The following PCDHA13 variants were observed in gnomAD, a reference collection of about 807,000 sequenced individuals.
The protein encoded by PCDHA13 is protocadherin alpha 13, also known as protocadherin alpha-13.
In PCDHA13, 54 loss-of-function variants were observed where a neutral mutation model predicts 64.8. The ratio of observed to expected loss-of-function variants is 0.83; its 90% CI spans 0.67 to 1.04. The LOEUF is 1.04. PCDHA13 is among the 50% of genes least tolerant of loss of function. The probability of loss-of-function intolerance (pLI) is 0.00; values close to 1 mark genes in which losing one functional copy is unlikely to be tolerated. For missense variants in PCDHA13, 1,248 were observed against 1,254.3 expected (o/e 0.99, Z 0.08); for synonymous variants, 587 against 564.4 (o/e 1.04, Z -0.57).
intron 1 of PCDHA13, chr5:140,966,879 GC>G: frequency 1.3e-6 from 2 of 1,587,514 alleles, no homozygotes; most frequent in Non-Finnish European, 1.7e-6. Flanking sequence ...CTGCTACCTG[GC>G]CCTGCGGCCT....
At chr5:140,923,910 C>T (rs1280601799) in intron 1 of PCDHA13, among the ~76,000 whole-genome samples, 5 of 152,156 alleles carry the variant, frequency 3.3e-5, no homozygotes, top group African/African-American at 1.2e-4. Flanking sequence ...GTGAAGATTT[C>T]CCATACTGTT....
At chr5:140,974,815 A>G (rs990559310) in intron 1 of PCDHA13, among the ~76,000 whole-genome samples, 3 of 152,188 alleles carry the variant, frequency 2.0e-5, no homozygotes, top group Non-Finnish European at 4.4e-5. Context: ...GAAGACCAAT[A>G]TGCAACATAA....
intron 1 of PCDHA13, chr5:140,928,860 G>A: frequency 1.2e-6 from 2 of 1,614,154 alleles, no homozygotes; most frequent in Non-Finnish European, 1.7e-6. Flanking sequence ...GTGTGCTGTT[G>A]AGCAACTCTG....
At chr5:140,903,454 A>G (rs1554190971) in intron 1 of PCDHA13, among the ~76,000 whole-genome samples, 1 of 152,208 alleles carries the variant, frequency 6.6e-6, no homozygotes, top group Non-Finnish European at 1.5e-5. Flanking sequence ...ATCTGATCAA[A>G]CTTAAAATAT....
chr5:140,941,347 T>C (rs246069), intron 1 of PCDHA13, among the ~76,000 whole-genome samples: 97,460 of 130,222 alleles, frequency 0.75, 37,726 homozygotes, highest in African/African-American at 0.94. Context: ...GATGGAGTCT[T>C]GCTCTGTTGC....
In PCDHA13 at chr5:141,010,555, C is replaced by CTG; in HGVS notation, c.*618_*619insTG. 2 of 321,156 alleles carry CTG rather than the reference C, an allele frequency of 6.2e-6. No homozygotes were observed. The highest frequency in any genetic ancestry group is 1.1e-4 in the South Asian group (2 of 18,704). 19.9% of individuals were successfully genotyped at this position (321,156 alleles called of 1,614,324 possible). On this transcript the variant is annotated 3_prime_UTR_variant, in exon 4 of 4. Coordinates refer to ENST00000289272, the MANE Select transcript of PCDHA13 (RefSeq NM_018904.3). ...ACCCTCTAGGAGACAAAACTACCCCCACTGACAAGGCTTTAGGAGACCCTA... is the reference window on the plus strand; with the variant it reads ...ACCCTCTAGGAGACAAAACTACCCCCTGACTGACAAGGCTTTAGGAGACCCTA...
At chr5:140,980,515 A>G (rs779201653) in intron 2 of PCDHA13, among the ~76,000 whole-genome samples, 18 of 152,182 alleles carry the variant, frequency 1.2e-4, no homozygotes, top group Non-Finnish European at 2.5e-4. Flanking sequence ...CTGTAGTTCC[A>G]GCTACTAGGG....
intron 1 of PCDHA13, among the ~76,000 whole-genome samples, chr5:140,922,233 A>T (rs1226444776): frequency 6.6e-6 from 1 of 152,220 alleles, no homozygotes; most frequent in Non-Finnish European, 1.5e-5. Flanking sequence ...CTCAACCATG[A>T]TGTGTATGAA....
rs782750187 is a variant in PCDHA13 at position 140,882,891 on chromosome 5, A to G, written c.623A>G (p.His208Arg). The stretch of plus-strand genomic sequence containing the variant: ...CTGGACAGAGAGGAAATTCAGGAAC[A>G]TAGTTTATTACTGACAGCCAGTGAT... ...KTLDREEIQEHSLLLTASDGG... is the reference protein window; with the variant it reads ...KTLDREEIQERSLLLTASDGG... Residue 208 changes from histidine (H) to arginine (R), a missense_variant, in exon 1 of 4, where the codon CAT becomes CGT. Transcript: ENST00000289272. 1.9e-6 allele frequency: 3 copies of G among 1,614,230 alleles called. No individual in the cohort carries two copies. Among genetic ancestry groups the G allele is most frequent in the Admixed American group, 1.7e-5 (1 of 60,024 alleles).
Position 140,927,804 on chromosome 5 carries a change from G to T in PCDHA13, c.2394+43142G>T, listed in dbSNP as rs112037348. The T allele has an allele frequency of 8.3e-4, 1,346 of 1,614,160 alleles. 11 individuals carry two copies. The African/African-American group carries it at 0.015, about 18-fold the overall frequency. On this transcript the variant is annotated intron_variant, in intron 1 of 3. Coordinates refer to ENST00000289272, the MANE Select transcript of PCDHA13 (RefSeq NM_018904.3). Reference sequence around the variant, plus strand: ...CTGCTTCACTAGGTCCGCCTGAAACGCTCTTGGAGGCATACATTGAGGCGA... The same window carrying T: ...CTGCTTCACTAGGTCCGCCTGAAACTCTCTTGGAGGCATACATTGAGGCGA...
At chr5:140,948,227 A>G (rs1214697523) in intron 1 of PCDHA13, among the ~76,000 whole-genome samples, 17 of 151,634 alleles carry the variant, frequency 1.1e-4, no homozygotes, top group African/African-American at 4.1e-4. Flanking sequence ...GTTAGATTTA[A>G]CTTGTATTTT....
At chr5:140,905,880 A>G (rs1485985374) in intron 1 of PCDHA13, among the ~76,000 whole-genome samples, 4 of 152,172 alleles carry the variant, frequency 2.6e-5, no homozygotes, top group Non-Finnish European at 1.5e-5. Flanking sequence ...AGGCCCAACA[A>G]TAGGCCATCT....
intron 1 of PCDHA13, chr5:140,966,752 C>T (rs1013247328): frequency 3.5e-6 from 5 of 1,432,026 alleles, no homozygotes; most frequent in Non-Finnish European, 4.6e-6. Flanking sequence ...GCTGCCTCCG[C>T]CGCGGCCAGT....
Position 140,883,226 on chromosome 5 carries a change from G to A in PCDHA13, c.958G>A (p.Val320Met). The A allele has an allele frequency of 1.2e-6, 2 of 1,613,938 alleles. No homozygotes were observed. Among genetic ancestry groups the A allele is most frequent in the South Asian group, 1.1e-5 (1 of 91,076 alleles). ...AGAAAAGAAATTATATGAAATATCC[G>A]TGGAGGCAGTTGACAAAGGAAATAT... The part of the protein sequence containing the change: ...FEEKKLYEIS[V>M]EAVDKGNIPM... The change falls in exon 1 of 4, where the codon GTG (valine) becomes ATG (methionine). Residue 320 changes from valine (V) to methionine (M), a missense_variant. By Grantham distance (21) the Val-to-Met change is conservative (BLOSUM62 1). Transcript: ENST00000289272.
At chr5:140,904,236 T>G (rs1326424532) in intron 1 of PCDHA13, among the ~76,000 whole-genome samples, 2 of 151,966 alleles carry the variant, frequency 1.3e-5, no homozygotes, top group Non-Finnish European at 2.9e-5. Flanking sequence ...ACTTATGCCT[T>G]TGCATCCTCA....
At chr5:140,918,742 A>T (rs2078833886) in intron 1 of PCDHA13, among the ~76,000 whole-genome samples, 1 of 152,170 alleles carries the variant, frequency 6.6e-6, no homozygotes, top group Non-Finnish European at 1.5e-5. Context: ...GCCCTTATAA[A>T]AGAGGCCCAG....
chr5:140,964,880 C>T (rs2095860447), intron 1 of PCDHA13, among the ~76,000 whole-genome samples: 1 of 152,168 alleles, frequency 6.6e-6, no homozygotes, highest in Admixed American at 6.5e-5. Context: ...TAAGAAGCAG[C>T]AGTGATAGGA....
At chr5:140,972,625 G>A (rs2096544051) in intron 1 of PCDHA13, among the ~76,000 whole-genome samples, 1 of 151,044 alleles carries the variant, frequency 6.6e-6, no homozygotes, top group African/African-American at 2.4e-5. Flanking sequence ...AATGTTGTTG[G>A]CACTCCCTTC....
At chr5:141,004,378 G>A (rs914260481) in intron 3 of PCDHA13, among the ~76,000 whole-genome samples, 3 of 152,198 alleles carry the variant, frequency 2.0e-5, no homozygotes, top group Admixed American at 6.5e-5. Context: ...TCTGCTCTGC[G>A]GAAGCTGGAC....
Sources: gnomAD v4.1 joint callset for allele counts (sites outside exome capture counted in the v4.1 genomes callset) on GRCh38, gnomAD v4.1.1 for gene constraint, MANE v1.5 for transcripts, NCBI Gene and HGNC (gene_info 2026-07-23, HGNC 2026-07-21) for gene names.